Variants in SLC3A2 observed in about 807,000 individuals in gnomAD.
The protein encoded by SLC3A2 is solute carrier family 3 member 2.
In SLC3A2, 32 loss-of-function variants were observed where a neutral mutation model predicts 48.5. That is an observed-to-expected ratio of 0.66 (90% CI 0.50 to 0.89). The LOEUF (loss-of-function observed/expected upper bound fraction) is 0.89. SLC3A2 is among the 40% of genes least tolerant of loss of function. SLC3A2 has a pLI of 0.00. For missense variants in SLC3A2, 587 were observed against 680.7 expected, an observed-to-expected ratio of 0.86 and a Z score of 1.53; for synonymous variants, 277 against 288.8, an observed-to-expected ratio of 0.96 and a Z score of 0.41.
At chr11:62,887,657 C>T (rs1388994802) in intron 7 of SLC3A2, among the ~76,000 whole-genome samples, 2 of 145,360 alleles carry the variant, frequency 1.4e-5, no homozygotes, top group African/African-American at 5.1e-5. Flanking sequence ...AAGCCAAGAT[C>T]GTGCCATTGC....
rs1484511040 is a variant in SLC3A2 at position 62,881,245 on chromosome 11, C to T, written c.222C>T (p.Ser74=). 4 of 1,584,282 alleles carry T rather than the reference C, an allele frequency of 2.5e-6. No individual in the cohort carries two copies. Among genetic ancestry groups the T allele is most frequent in the Non-Finnish European group, 3.4e-6 (4 of 1,166,712 alleles). The change falls in exon 1 of 9, where the codon AGC becomes AGT. Residue 74 remains serine (S), a synonymous_variant. Transcript: ENST00000338663. This position sits in a 1 kb window ranked among gnomAD's most constrained non-coding sequence, Gnocchi z 4.0. ...AGGAGCTGCTGAAGGTGGCAGGCAGCCCCGGCTGGGTACGCACCCGCTGGG... is the reference window on the plus strand; with the variant it reads ...AGGAGCTGCTGAAGGTGGCAGGCAGTCCCGGCTGGGTACGCACCCGCTGGG... ...SKEELLKVAG[S]PGWVRTRWAL... is the part of the protein sequence containing the mutation.
At chr11:62,858,839 A>G (rs1490096862) in intron 1 of SLC3A2, among the ~76,000 whole-genome samples, 1 of 152,214 alleles carries the variant, frequency 6.6e-6, no homozygotes. Context: ...AGATATGCAT[A>G]CACATAAACA....
intron 5 of SLC3A2, 116 bp downstream of exon 5, chr11:62,884,806 T>G: frequency 1.9e-6 from 1 of 523,280 alleles, no homozygotes; most frequent in Non-Finnish European, 3.0e-6. Flanking sequence ...CTTTATTCTT[T>G]CTTTAGCTTT....
At chr11:62,886,704 C>G (rs1402632183) in intron 7 of SLC3A2, 5 of 152,172 alleles carry the variant, frequency 3.3e-5, no homozygotes, top group African/African-American at 9.7e-5. Context: ...ATACTCCTGC[C>G]TCAGCTTCCC....
chr11:62,872,134 C>G (rs2085524212), intron 1 of SLC3A2, among the ~76,000 whole-genome samples: 1 of 152,118 alleles, frequency 6.6e-6, no homozygotes, highest in Admixed American at 6.6e-5. Flanking sequence ...CCAGGATGGT[C>G]TCGATCTCCT....
intron 1 of SLC3A2, among the ~76,000 whole-genome samples, chr11:62,863,049 G>A (rs1385957019): frequency 6.6e-6 from 1 of 152,132 alleles, no homozygotes; most frequent in Non-Finnish European, 1.5e-5. Flanking sequence ...AGCCTCCTGA[G>A]TAGCTGGGAT....
rs1001314858 is a variant in SLC3A2 at position 62,861,090 on chromosome 11, A to G, written c.112+4709A>G. Among the ~76,000 whole-genome samples the G allele has an allele frequency of 1.3e-4, 20 of 152,066 alleles. 1 individual carries two copies. The highest frequency in any genetic ancestry group is 7.2e-4 in the Admixed American group (11 of 15,234). On this transcript the variant is annotated intron_variant, in intron 1 of 9. Coordinates refer to the SLC3A2 transcript ENST00000377889. ...CTCTTTCTTTCCCCCACATAATCCC[A>G]GCACTTTGGGAGGCCAAGGCAAGCA...
In SLC3A2 at chr11:62,888,070, T is replaced by C. The variant is rs1024311943; in HGVS notation, c.1144-65T>C. The stretch of plus-strand genomic sequence containing the variant: ...CCTTGACCTCCCAGACTGCTGGAAT[T>C]ACAGATGTGAGCCACCATGCCTGAC... On this transcript the variant is annotated intron_variant, in intron 7 of 8. Coordinates refer to ENST00000338663, the MANE Select transcript of SLC3A2 (RefSeq NM_001013251.3). The C allele has an allele frequency of 8.3e-6, 12 of 1,437,620 alleles. No homozygotes were observed. In the African/African-American group the frequency reaches 1.4e-4, roughly 17 times the overall value. 89.1% of individuals were successfully genotyped at this position (1,437,620 alleles called of 1,614,324 possible).
rs374392794 is a variant in SLC3A2, at chr11:62,875,439, G to A, written c.113-5580G>A. On this transcript the variant is annotated intron_variant, in intron 1 of 9. Transcript: ENST00000377889. ...GCGTGGTGGTGGGCACCTGGAGTCC[G>A]CAGGAGAATAGTGTGAACCTTGGAA... Among the ~76,000 whole-genome samples, 5 of 152,168 alleles carry A rather than the reference G, an allele frequency of 3.3e-5. No homozygotes were observed. The East Asian group carries it at 5.8e-4, about 18-fold the overall frequency.
chr11:62,885,650 C>T (rs187628899), intron 7 of SLC3A2, 42 bp downstream of exon 7: 177 of 1,603,994 alleles, frequency 1.1e-4, no homozygotes, highest in Non-Finnish European at 8.5e-7. Flanking sequence ...GTTGTTTATC[C>T]ATCTTACAAT....
At position 62,880,989 on chromosome 11, in the gene SLC3A2, G is replaced by A. The variant is rs758592720; in HGVS notation, c.-35G>A. 3.3e-6 allele frequency: 5 copies of A among 1,534,996 alleles called. No individual in the cohort carries two copies. In the East Asian group the frequency reaches 6.8e-5, roughly 21 times the overall value. ...GTAGGGGTTGAGCCACCATCTGACC[G>A]CAAGCTGCGTCGTGTCGCCGGTTCT... On this transcript the variant is annotated 5_prime_UTR_variant, in exon 1 of 9. Coordinates refer to ENST00000338663, the MANE Select transcript of SLC3A2 (RefSeq NM_001013251.3).
chr11:62,862,678 T>C (rs1329868066), intron 1 of SLC3A2, among the ~76,000 whole-genome samples: 4 of 152,224 alleles, frequency 2.6e-5, no homozygotes, highest in African/African-American at 9.7e-5. Flanking sequence ...CTATAAGTTT[T>C]TTTCAGTTTG....
rs187635887 is a variant in SLC3A2 at position 62,864,687 on chromosome 11, C to T, written c.112+8306C>T. 1.7e-3 allele frequency among the ~76,000 whole-genome samples: 251 copies of T among 151,790 alleles called. 1 individual carries two copies. Among genetic ancestry groups the T allele is most frequent in the Non-Finnish European group, 2.9e-3 (200 of 67,924 alleles). On this transcript the variant is annotated intron_variant, in intron 1 of 9. Transcript: ENST00000377889. ...TTCACTGTGTTAGCCAGGATGGTGT[C>T]GACCTCCTGACCTCGTGATCCGCCC...
Position 62,884,696 on chromosome 11 carries a change from T to G in SLC3A2, c.818+6T>G, listed in dbSNP as rs1590636157. ...AAGGGCTTCAGTGAAGACAGGTGGG[T>G]GCAGGAGCCATTCTGCTGACTCAGC... On this transcript the variant is annotated splice_donor_region_variant and intron_variant, in intron 5 of 8. Coordinates refer to ENST00000338663, the MANE Select transcript of SLC3A2 (RefSeq NM_001013251.3). The G allele has an allele frequency of 6.3e-7, 1 of 1,589,780 alleles. No homozygotes were observed. Among genetic ancestry groups the G allele is most frequent in the Non-Finnish European group, 8.6e-7 (1 of 1,165,668 alleles).
chr11:62,869,523 CAAAAAAAAAAAAAAAAA>C (rs57962693), intron 1 of SLC3A2, among the ~76,000 whole-genome samples: 1 of 53,872 alleles, frequency 1.9e-5, no homozygotes, highest in Non-Finnish European at 3.1e-5. Context: ...GACTCCATCT[CAAAAAAAAAAAAAAAAA>C]AAAAAAGAAT....
At chr11:62,887,916 CCCAGTA>C (rs971527741) in intron 7 of SLC3A2, 9 of 447,440 alleles carry the variant, frequency 2.0e-5, no homozygotes, top group Admixed American at 6.9e-5. Flanking sequence ...CCTCAGCCTC[CCCAGTA>C]TCTGGGACTA....
intron 8 of SLC3A2, 33 bp downstream of exon 8, chr11:62,888,251 T>G (rs756341037): frequency 3.1e-6 from 5 of 1,611,500 alleles, no homozygotes; most frequent in Non-Finnish European, 4.2e-6. Flanking sequence ...AACTGACCGG[T>G]GGAGGGTGGG....
chr11:62,888,378 G>A lies in SLC3A2; in HGVS notation c.1275G>A (p.Leu425=). Residue 425 remains leucine, a synonymous_variant, in exon 9 of 9, where the codon CTG becomes CTA. Coordinates refer to ENST00000338663, the MANE Select transcript of SLC3A2 (RefSeq NM_001013251.3). ...PGSLLSLFRR[L]SDQRSKERSL... is the part of the protein sequence containing the mutation. The stretch of plus-strand genomic sequence containing the variant: ...CCCTCCTTTCCTTGTTCCGGCGGCT[G>A]AGTGACCAGCGGAGTAAGGAGCGCT... 1 of 1,614,214 alleles carries A rather than the reference G, an allele frequency of 6.2e-7. No individual in the cohort carries two copies. The highest frequency in any genetic ancestry group is 1.3e-5 in the African/African-American group (1 of 75,074).
Position 62,856,870 on chromosome 11 carries a change from G to C in SLC3A2, c.112+489G>C, listed in dbSNP as rs547803044. Among the ~76,000 whole-genome samples the C allele has an allele frequency of 1.4e-4, 21 of 150,922 alleles. 1 individual carries two copies. The highest frequency in any genetic ancestry group is 2.9e-5 in the Non-Finnish European group (2 of 67,840). ...GACGGAGTTTCGCTCTTGTTGCCCA[G>C]GCTGGAATGCAATGGCCCGATCTCA... On this transcript the variant is annotated intron_variant, in intron 1 of 9. Coordinates refer to the SLC3A2 transcript ENST00000377889.
Sources: gnomAD v4.1 joint callset for allele counts (sites outside exome capture counted in the v4.1 genomes callset) on GRCh38, gnomAD v4.1.1 for gene constraint, Gnocchi (gnomAD v3.1) non-coding constraint, MANE v1.5 for transcripts, NCBI Gene and HGNC (gene_info 2026-07-23, HGNC 2026-07-21) for gene names.